PCLO: variants seen among roughly 807,000 people sequenced by gnomAD.
PCLO encodes the protein piccolo presynaptic cytomatrix protein.
Under a neutral mutation model 427.5 loss-of-function variants are expected in PCLO, and 82 were observed. The observed-to-expected ratio is 0.19, with a 90% confidence interval of 0.16 to 0.23. PCLO has a LOEUF of 0.23. PCLO is among the 10% of genes least tolerant of loss of function. The pLI is 1.00. For synonymous variants in PCLO, 2,357 were observed against 2,155.4 expected (o/e 1.09, Z -2.59); for missense variants, 6,239 against 6,115.9 (o/e 1.02, Z -0.67).
chr7:82,802,900 T>C (rs998392897), intron 21 of PCLO, among the ~76,000 whole-genome samples: 1 of 152,156 alleles, frequency 6.6e-6, no homozygotes, highest in African/African-American at 2.4e-5. Flanking sequence ...TTATTTTATC[T>C]CAAAAGCCAT....
intron 10 of PCLO, among the ~76,000 whole-genome samples, chr7:82,874,844 A>T (rs1793331448): frequency 6.6e-6 from 1 of 152,216 alleles, no homozygotes; most frequent in Admixed American, 6.5e-5. Flanking sequence ...CCAATGACAA[A>T]GACCAAAATG....
intron 3 of PCLO, among the ~76,000 whole-genome samples, chr7:83,100,411 C>T (rs180791551): frequency 2.0e-5 from 3 of 152,070 alleles, no homozygotes; most frequent in East Asian, 1.9e-4. Context: ...AACCTAAATG[C>T]CCATCAGTGA....
intron 10 of PCLO, among the ~76,000 whole-genome samples, chr7:82,857,613 A>G (rs1020539621): frequency 6.6e-6 from 1 of 152,150 alleles, no homozygotes; most frequent in African/African-American, 2.4e-5. Flanking sequence ...ATTTCATTTT[A>G]TAACATAATT....
chr7:83,064,504 T>C (rs1200522945), intron 3 of PCLO, among the ~76,000 whole-genome samples: 2 of 151,992 alleles, frequency 1.3e-5, no homozygotes, highest in Non-Finnish European at 2.9e-5. Context: ...TCACCACACA[T>C]AGTTGCTGTT....
intron 3 of PCLO, among the ~76,000 whole-genome samples, chr7:82,967,382 T>A (rs1795803931): frequency 6.6e-6 from 1 of 151,676 alleles, no homozygotes; most frequent in South Asian, 2.1e-4. Context: ...TCCATGTTGG[T>A]CAGGCTGGTC....
At position 82,953,673 on chromosome 7, in the gene PCLO, AGTGGTGGGGGAGGAGGGG is replaced by A; in HGVS notation, c.7262_7279del (p.Pro2421_Pro2426del). The A allele has an allele frequency of 9.1e-6, 9 of 992,220 alleles. No homozygotes were observed. Among genetic ancestry groups the A allele is most frequent in the Non-Finnish European group, 1.2e-5 (9 of 741,184 alleles). 61.5% of individuals were successfully genotyped at this position (992,220 alleles called of 1,614,324 possible). A position where few individuals can be genotyped will look rare whatever the true frequency, so the allele number is the denominator to read the frequency against. The stretch of plus-strand genomic sequence containing the variant: ...TGGTTTAGGTGAAGTTGGTGGAGGA[AGTGGTGGGGGAGGAGGGG>A]GTGGTGGTGGAGGAGGAGGAGGAGG... On this transcript the variant is annotated inframe_deletion, in exon 5 of 25. Coordinates refer to ENST00000333891, the MANE Select transcript of PCLO (RefSeq NM_033026.6).
intron 6 of PCLO, among the ~76,000 whole-genome samples, chr7:82,940,501 C>T (rs1023086589): frequency 6.6e-6 from 1 of 152,008 alleles, no homozygotes; most frequent in African/African-American, 2.4e-5. Flanking sequence ...AGAGCTAAAA[C>T]AATATTTGTG....
chr7:82,902,875 G>A (rs1171762896), intron 8 of PCLO, 134 bp from the exon 9 acceptor site: 1 of 583,940 alleles, frequency 1.7e-6, no homozygotes, highest in East Asian at 2.8e-5. Flanking sequence ...TCACATGATG[G>A]CAATTTAAAC....
chr7:83,120,852 C>G (rs1752056250), intron 3 of PCLO, among the ~76,000 whole-genome samples: 1 of 152,064 alleles, frequency 6.6e-6, no homozygotes, highest in South Asian at 2.1e-4. Context: ...GTTCATCAAT[C>G]TGAAAGAAAA....
In PCLO at chr7:82,950,076, A is replaced by G. The variant is rs1024384098; in HGVS notation, c.10512T>C (p.Ala3504=). The G allele has an allele frequency of 5.6e-6, 9 of 1,610,676 alleles. No individual in the cohort carries two copies. In the Admixed American group the frequency reaches 8.4e-5, roughly 15 times the overall value. The change falls in exon 6 of 25, where the codon GCT becomes GCC. Residue 3504 remains alanine, a synonymous_variant. Transcript: ENST00000333891. ...CTTTGGAAAGGGGTTTGGTCTTGTC[A>G]GCCTCTGTCATGCTGTCACCATATT... The part of the protein sequence containing the change: ...VGKYGDSMTE[A]DKTKPLSKVS...
At chr7:82,832,080 G>T (rs944407509) in intron 16 of PCLO, among the ~76,000 whole-genome samples, 2 of 152,014 alleles carry the variant, frequency 1.3e-5, no homozygotes, top group African/African-American at 4.8e-5. Context: ...ATATTCTCTT[G>T]TGGGAAGATT....
At position 83,135,748 on chromosome 7, in the gene PCLO, T is replaced by G. The variant is rs548586700; in HGVS notation, c.1894-92A>C. 7.6e-4 allele frequency: 537 copies of G among 703,350 alleles called. 1 individual carries two copies. Among genetic ancestry groups the G allele is most frequent in the Admixed American group, 1.4e-3 (47 of 33,180 alleles). The allele number at this position is 703,350 out of a possible 1,614,324, so 43.6% of individuals were successfully genotyped here. ...ATGCATACTGCCATTTGAAACTATG[T>G]CTCTCATCATTCAAAGCAGAAAATA... On this transcript the variant is annotated intron_variant, in intron 2 of 24. Coordinates refer to ENST00000333891, the MANE Select transcript of PCLO (RefSeq NM_033026.6).
chr7:83,090,409 A>G (rs1362134665), intron 3 of PCLO, among the ~76,000 whole-genome samples: 2 of 152,180 alleles, frequency 1.3e-5, no homozygotes, highest in African/African-American at 2.4e-5. Flanking sequence ...TAATTGATCA[A>G]TTAGGAAGTT....
chr7:82,986,728 T>C (rs562795007), intron 3 of PCLO, among the ~76,000 whole-genome samples: 5 of 151,938 alleles, frequency 3.3e-5, no homozygotes, highest in African/African-American at 4.8e-5. Context: ...TGGGGATAGA[T>C]TGATGAAGGA....
chr7:82,999,269 C>A (rs1344628761), intron 3 of PCLO, among the ~76,000 whole-genome samples: 2 of 138,288 alleles, frequency 1.4e-5, no homozygotes, highest in East Asian at 2.1e-4. Flanking sequence ...ATAAATATTA[C>A]ATATTAAATA....
At chr7:83,002,738 T>G (rs1787854856) in intron 3 of PCLO, among the ~76,000 whole-genome samples, 1 of 151,898 alleles carries the variant, frequency 6.6e-6, no homozygotes, top group African/African-American at 2.4e-5. Flanking sequence ...CCTTTATTGA[T>G]ATGGAAAGAC....
intron 15 of PCLO, among the ~76,000 whole-genome samples, 156 bp from the exon 16 acceptor site, chr7:82,835,849 GAAC>G (rs1327579584): frequency 6.6e-6 from 1 of 152,130 alleles, no homozygotes; most frequent in African/African-American, 2.4e-5. Flanking sequence ...GAAAATGCTA[GAAC>G]TACAGTGAAA....
chr7:82,801,655 A>G, intron 21 of PCLO, 64 bp from the exon 22 acceptor site: 1 of 944,984 alleles, frequency 1.1e-6, no homozygotes, highest in South Asian at 1.4e-5. Flanking sequence ...AAGAGGCTAA[A>G]TTTGCATAAA....
chr7:82,835,224 G>C lies in PCLO; in HGVS notation c.14249+443C>G, dbSNP rs567741381. On this transcript the variant is annotated intron_variant, in intron 16 of 24. Transcript: ENST00000333891. ...CTCCCAAAGTCCTGGGATTACAGGCGTGAGCCACCGTGCCTGATGGGATAT... is the reference window on the plus strand; with the variant it reads ...CTCCCAAAGTCCTGGGATTACAGGCCTGAGCCACCGTGCCTGATGGGATAT... 2.6e-5 allele frequency among the ~76,000 whole-genome samples: 4 copies of C among 152,168 alleles called. No homozygotes were observed. In the East Asian group the frequency reaches 7.7e-4, roughly 29 times the overall value.
Sources: allele counts gnomAD v4.1 joint callset (sites outside exome capture counted in the v4.1 genomes callset), GRCh38; gene constraint gnomAD v4.1.1; transcripts MANE v1.5; gene names NCBI Gene and HGNC (gene_info 2026-07-23, HGNC 2026-07-21).